AGBL4: variants seen among roughly 807,000 people sequenced by gnomAD.
The protein encoded by AGBL4 is AGBL carboxypeptidase 4.
AGBL4 carries 58 observed loss-of-function variants against 66.4 expected under a neutral mutation model. The observed-to-expected ratio is 0.87, with a 90% confidence interval of 0.71 to 1.09. AGBL4 has a LOEUF of 1.09. AGBL4 is among the 50% of genes least tolerant of loss of function. The probability of loss-of-function intolerance (pLI) is 0.00; values close to 1 mark genes in which losing one functional copy is unlikely to be tolerated. For synonymous variants in AGBL4, 234 were observed against 222.9 expected, an observed-to-expected ratio of 1.05 and a Z score of -0.44; for missense variants, 579 against 631.0, an observed-to-expected ratio of 0.92 and a Z score of 0.88.
At chr1:48,708,746 G>C (rs1421743681) in intron 6 of AGBL4, among the ~76,000 whole-genome samples, 1 of 152,194 alleles carries the variant, frequency 6.6e-6, no homozygotes, top group Non-Finnish European at 1.5e-5. Context: ...TAGCCTCTGA[G>C]AGGTAACCTG....
chr1:49,013,442 A>C (rs1397673057), intron 5 of AGBL4, among the ~76,000 whole-genome samples: 1 of 152,222 alleles, frequency 6.6e-6, no homozygotes, highest in Non-Finnish European at 1.5e-5. Context: ...GGTGAGCAAG[A>C]AAACAATGGC....
At chr1:48,904,442 AG>A (rs1335627095) in intron 5 of AGBL4, among the ~76,000 whole-genome samples, 1 of 152,224 alleles carries the variant, frequency 6.6e-6, no homozygotes, top group Non-Finnish European at 1.5e-5. Context: ...TAAAGCGAGT[AG>A]CATGTCAAAT....
intron 3 of AGBL4, among the ~76,000 whole-genome samples, chr1:49,641,202 G>C (rs1268079176): frequency 1.3e-5 from 2 of 152,084 alleles, no homozygotes; most frequent in Non-Finnish European, 2.9e-5. Context: ...TAGTAAAGGA[G>C]AACCAAAGTG....
chr1:48,584,460 G>A (rs374230321), intron 11 of AGBL4: 5 of 152,274 alleles, frequency 3.3e-5, no homozygotes, highest in African/African-American at 1.2e-4. Context: ...GCTTACACCT[G>A]TAATCTCAGC....
chr1:48,609,682 C>G (rs1645206894), intron 9 of AGBL4, among the ~76,000 whole-genome samples: 1 of 152,210 alleles, frequency 6.6e-6, no homozygotes, highest in South Asian at 2.1e-4. Flanking sequence ...CTCAGCCTCC[C>G]AAAGTGCTGG....
At chr1:48,806,618 C>G (rs1645929451) in intron 6 of AGBL4, among the ~76,000 whole-genome samples, 2 of 152,220 alleles carry the variant, frequency 1.3e-5, no homozygotes, top group African/African-American at 4.8e-5. Context: ...CATAAGCCTG[C>G]TCTTTCTTTG....
At chr1:48,718,124 A>G (rs1647082883) in intron 6 of AGBL4, among the ~76,000 whole-genome samples, 1 of 152,242 alleles carries the variant, frequency 6.6e-6, no homozygotes, top group South Asian at 2.1e-4. Context: ...GCACCTTATA[A>G]GCATAATTGA....
chr1:49,842,301 TA>T, intron 2 of AGBL4: 1 of 484,434 alleles, frequency 2.1e-6, no homozygotes. Flanking sequence ...GGACATTGGT[TA>T]CCAAAGCCAA....
chr1:48,752,428 A>T (rs1376710074), intron 6 of AGBL4, among the ~76,000 whole-genome samples: 1 of 152,208 alleles, frequency 6.6e-6, no homozygotes, highest in Non-Finnish European at 1.5e-5. Context: ...GTGGTAATGG[A>T]CAAATTCTAT....
At chr1:49,562,867 G>A (rs1644087923) in intron 3 of AGBL4, among the ~76,000 whole-genome samples, 1 of 151,136 alleles carries the variant, frequency 6.6e-6, no homozygotes, top group African/African-American at 2.5e-5. Context: ...CAGCTTGATG[G>A]GGATGGCATT....
chr1:49,648,797 T>C (rs368162795), intron 3 of AGBL4, among the ~76,000 whole-genome samples: 2 of 142,820 alleles, frequency 1.4e-5, no homozygotes, highest in Admixed American at 7.0e-5. Context: ...CTTTCTCAAA[T>C]AAAAAAAAAA....
intron 6 of AGBL4, among the ~76,000 whole-genome samples, chr1:48,805,674 A>T (rs960263551): frequency 2.0e-5 from 3 of 152,154 alleles, no homozygotes. Context: ...TGCAAAAGTT[A>T]CTTCACCACA....
At chr1:49,975,053 A>C (rs570024060) in intron 1 of AGBL4, among the ~76,000 whole-genome samples, 1 of 152,170 alleles carries the variant, frequency 6.6e-6, no homozygotes, top group African/African-American at 2.4e-5. Context: ...GTTGCTATAG[A>C]AACTATTCTC....
intron 6 of AGBL4, among the ~76,000 whole-genome samples, chr1:48,831,464 T>C (rs1646550777): frequency 6.6e-6 from 1 of 152,242 alleles, no homozygotes; most frequent in South Asian, 2.1e-4. Context: ...TATTACTTCC[T>C]TTCTGAAGCC....
chr1:49,762,254 A>T (rs1652379777), intron 2 of AGBL4, among the ~76,000 whole-genome samples: 1 of 151,978 alleles, frequency 6.6e-6, no homozygotes, highest in African/African-American at 2.4e-5. Context: ...TGTCTTTTTG[A>T]TGACAGTCTT....
chr1:48,870,902 G>A (rs1367680144), intron 5 of AGBL4, among the ~76,000 whole-genome samples: 1 of 152,182 alleles, frequency 6.6e-6, no homozygotes, highest in African/African-American at 2.4e-5. Flanking sequence ...AAACAAAAGT[G>A]TATGTTCCAG....
intron 2 of AGBL4, among the ~76,000 whole-genome samples, chr1:49,834,605 G>T (rs1392226305): frequency 6.6e-6 from 1 of 152,004 alleles, no homozygotes; most frequent in African/African-American, 2.4e-5. Context: ...GTTATTTCTT[G>T]TCTTCTGTTA....
intron 11 of AGBL4, chr1:48,585,199 A>G (rs920141227): frequency 6.6e-6 from 1 of 152,230 alleles, no homozygotes; most frequent in Non-Finnish European, 1.5e-5. Context: ...AGACAGAAGC[A>G]TGTCAGAAGT....
chr1:49,462,667 G>T (rs1357673800), intron 3 of AGBL4, among the ~76,000 whole-genome samples: 1 of 151,770 alleles, frequency 6.6e-6, no homozygotes, highest in Middle Eastern at 3.4e-3. Context: ...ATGTTACAGG[G>T]TTACAAATGT....
Sources: allele counts gnomAD v4.1 joint callset (sites outside exome capture counted in the v4.1 genomes callset), GRCh38; gene constraint gnomAD v4.1.1; transcripts MANE v1.5; gene names NCBI Gene and HGNC (gene_info 2026-07-23, HGNC 2026-07-21).